The following COL21A1 variants were observed in gnomAD, a reference collection of about 807,000 sequenced individuals.
COL21A1 encodes the protein collagen type XXI alpha 1 chain.
In COL21A1, 149 loss-of-function variants were observed where a neutral mutation model predicts 137.9. The ratio of observed to expected loss-of-function variants is 1.08; its 90% CI spans 0.95 to 1.24. The LOEUF (loss-of-function observed/expected upper bound fraction) is 1.24. COL21A1 is among the 50% of genes most tolerant of loss of function. The pLI is 0.00. For synonymous variants in COL21A1, 456 were observed against 391.5 expected (o/e 1.16, Z -1.95); for missense variants, 1,167 against 1,158.4 (o/e 1.01, Z -0.11).
chr6:56,361,358 T>A lies in COL21A1; in HGVS notation c.-39+32613A>T, dbSNP rs533848564. 3.3e-5 allele frequency among the ~76,000 whole-genome samples: 5 copies of A among 152,306 alleles called. No homozygotes were observed. The East Asian group carries it at 9.6e-4, about 29-fold the overall frequency. On this transcript the variant is annotated intron_variant, in intron 1 of 28. Transcript: ENST00000370819. ...AGGGTATTCAGTGATCATGATTTTG[T>A]TTGCAGGTTGCACAACTATTTGCTT...
chr6:56,107,078 C>T (rs1406824810), intron 16 of COL21A1, among the ~76,000 whole-genome samples: 3 of 152,070 alleles, frequency 2.0e-5, no homozygotes, highest in Non-Finnish European at 2.9e-5. Flanking sequence ...TGAGCCACCG[C>T]GCCCGGCCAA....
At chr6:56,319,150 C>T (rs916464794) in intron 1 of COL21A1, among the ~76,000 whole-genome samples, 2 of 152,114 alleles carry the variant, frequency 1.3e-5, no homozygotes, top group African/African-American at 4.8e-5. Flanking sequence ...CTTTTCCTAA[C>T]CTGTTTTGCT....
chr6:56,098,528 A>T (rs866762873), intron 17 of COL21A1, among the ~76,000 whole-genome samples: 3 of 16,792 alleles, frequency 1.8e-4, no homozygotes, highest in African/African-American at 3.5e-4. Flanking sequence ...TAAATATATA[A>T]ATATATATAT....
At chr6:56,118,985 CA>C (rs1225731999) in intron 16 of COL21A1, among the ~76,000 whole-genome samples, 3 of 151,618 alleles carry the variant, frequency 2.0e-5, no homozygotes, top group Non-Finnish European at 4.4e-5. Flanking sequence ...TGAATGGGGA[CA>C]AAAAAATAAA....
At chr6:56,203,646 C>T (rs1026253694) in intron 1 of COL21A1, among the ~76,000 whole-genome samples, 11 of 152,160 alleles carry the variant, frequency 7.2e-5, no homozygotes, top group South Asian at 2.1e-4. Flanking sequence ...TGACTAAAGA[C>T]GAAGTCATTT....
rs141649607 is a variant in COL21A1 at position 56,140,702 on chromosome 6, T to C, written c.1542+1083A>G. On this transcript the variant is annotated intron_variant, in intron 12 of 29. Transcript: ENST00000244728. ...GGGCAAAGAACTCTCAGAAGCCACA[T>C]GGAATGTGAAGCGGAAACTTGGAAG... Among the ~76,000 whole-genome samples, 698 of 152,258 alleles carry C rather than the reference T, an allele frequency of 4.6e-3. 10 individuals are homozygous for C. The highest frequency in any genetic ancestry group is 0.016 in the African/African-American group (670 of 41,570).
chr6:56,104,471 C>A (rs994603688), intron 16 of COL21A1, among the ~76,000 whole-genome samples: 1 of 151,996 alleles, frequency 6.6e-6, no homozygotes, highest in Non-Finnish European at 1.5e-5. Flanking sequence ...TGGCATTTTC[C>A]TTGAAATAAT....
intron 16 of COL21A1, 140 bp downstream of exon 16, chr6:56,123,922 A>G (rs934926328): frequency 1.5e-6 from 1 of 672,524 alleles, no homozygotes; most frequent in Non-Finnish European, 2.4e-6. Context: ...TTTAAATTAC[A>G]CGTAAAAAAC....
chr6:56,255,993 T>C (rs1658490968), intron 1 of COL21A1, among the ~76,000 whole-genome samples: 2 of 152,324 alleles, frequency 1.3e-5, no homozygotes, highest in African/African-American at 4.8e-5. Flanking sequence ...CAGTGATTGC[T>C]GAAGTCTAAG....
At chr6:56,350,907 C>A (rs1308138213) in intron 1 of COL21A1, among the ~76,000 whole-genome samples, 1 of 152,248 alleles carries the variant, frequency 6.6e-6, no homozygotes, top group African/African-American at 2.4e-5. Flanking sequence ...AATAAAGACA[C>A]TTGCATAATG....
At chr6:56,202,787 C>T (rs6459136) in intron 1 of COL21A1, among the ~76,000 whole-genome samples, 98,312 of 152,006 alleles carry the variant, frequency 0.65, 32,206 homozygotes, top group East Asian at 0.86. Context: ...CTGGAGTTTG[C>T]ATGAATAGTT....
At chr6:56,252,910 T>G (rs565048215) in intron 1 of COL21A1, among the ~76,000 whole-genome samples, 1 of 152,188 alleles carries the variant, frequency 6.6e-6, no homozygotes, top group Admixed American at 6.6e-5. Context: ...GGGCCACCTC[T>G]ATCTCCTTTC....
chr6:56,286,583 C>A (rs1763919069), intron 1 of COL21A1, among the ~76,000 whole-genome samples: 1 of 152,198 alleles, frequency 6.6e-6, no homozygotes, highest in African/African-American at 2.4e-5. Context: ...CGGGGCTGAG[C>A]ACGTAGTAAG....
chr6:56,385,333 C>A (rs1449513600), intron 1 of COL21A1, among the ~76,000 whole-genome samples: 2 of 152,192 alleles, frequency 1.3e-5, no homozygotes, highest in South Asian at 4.1e-4. Context: ...ACAGGTCTCA[C>A]TAGCTTAAAA....
At chr6:56,107,278 TA>T (rs1452932482) in intron 16 of COL21A1, among the ~76,000 whole-genome samples, 4 of 151,888 alleles carry the variant, frequency 2.6e-5, no homozygotes, top group Non-Finnish European at 4.4e-5. Context: ...GCATAGCCAA[TA>T]AAAATAGACT....
At chr6:56,199,119 T>C (rs577930163) in intron 1 of COL21A1, among the ~76,000 whole-genome samples, 8 of 152,048 alleles carry the variant, frequency 5.3e-5, no homozygotes, top group African/African-American at 1.9e-4. Context: ...CTAACCTGTA[T>C]CCAGAACTGC....
chr6:56,330,945 C>T (rs1041491086), intron 1 of COL21A1, among the ~76,000 whole-genome samples: 8 of 152,032 alleles, frequency 5.3e-5, no homozygotes, highest in African/African-American at 1.9e-4. Context: ...CCCTTTTCTC[C>T]ATGCCAACAT....
chr6:56,323,438 G>A (rs1764923517), intron 1 of COL21A1, among the ~76,000 whole-genome samples: 1 of 152,180 alleles, frequency 6.6e-6, no homozygotes, highest in South Asian at 2.1e-4. Context: ...TACCCAGGCT[G>A]GAGTGCAATG....
At chr6:56,120,522 G>A (rs1046547565) in intron 16 of COL21A1, among the ~76,000 whole-genome samples, 27 of 152,266 alleles carry the variant, frequency 1.8e-4, no homozygotes, top group African/African-American at 5.5e-4. Context: ...TGGGTTAGGC[G>A]CAGTGGCTCA....
Sources: allele counts gnomAD v4.1 joint callset (sites outside exome capture counted in the v4.1 genomes callset), GRCh38; gene constraint gnomAD v4.1.1; transcripts MANE v1.5; gene names NCBI Gene and HGNC (gene_info 2026-07-23, HGNC 2026-07-21).